ZNF609: variants seen among roughly 807,000 people sequenced by gnomAD.
ZNF609 encodes the protein zinc finger protein 609.
In ZNF609, 11 loss-of-function variants were observed where a neutral mutation model predicts 109.5. That is an observed-to-expected ratio of 0.10 (90% CI 0.06 to 0.17). The LOEUF (loss-of-function observed/expected upper bound fraction) is 0.17. Ranked by LOEUF, ZNF609 falls within the 10% of genes least tolerant of loss-of-function variation. The pLI is 1.00. For synonymous variants in ZNF609, 646 were observed against 662.0 expected (o/e 0.98, Z 0.37); for missense variants, 1,559 against 1,772.4 (o/e 0.88, Z 2.16).
chr15:64,542,572 A>T (rs149936877), intron 2 of ZNF609, among the ~76,000 whole-genome samples: 1 of 152,278 alleles, frequency 6.6e-6, no homozygotes, highest in Non-Finnish European at 1.5e-5. Context: ...AGTGCATCCA[A>T]AGTTTTCATT....
intron 2 of ZNF609, among the ~76,000 whole-genome samples, chr15:64,588,442 A>AAAAAAAAAAAAAAAAAAAAGAAG (rs71133451): frequency 9.3e-5 from 7 of 75,272 alleles, no homozygotes; most frequent in African/African-American, 3.6e-4. Flanking sequence ...AAAAAAAAAA[A>AAAAAAAAAAAAAAAAAAAAGAAG]AAGAAGAGGA....
chr15:64,506,087 A>G (rs1263822938), intron 2 of ZNF609, among the ~76,000 whole-genome samples: 2 of 152,164 alleles, frequency 1.3e-5, no homozygotes, highest in African/African-American at 4.8e-5. Context: ...CAAGTTTCTT[A>G]ATTGTTCTTC....
At chr15:64,564,895 T>TG (rs1263256108) in intron 2 of ZNF609, among the ~76,000 whole-genome samples, 1 of 151,724 alleles carries the variant, frequency 6.6e-6, no homozygotes, top group African/African-American at 2.4e-5. Context: ...TTGCCCAGGC[T>TG]GGAGTGCAGT....
At chr15:64,484,468 G>C (rs1169819083) in intron 1 of ZNF609, among the ~76,000 whole-genome samples, 1 of 152,084 alleles carries the variant, frequency 6.6e-6, no homozygotes, top group Non-Finnish European at 1.5e-5. Flanking sequence ...ACGAGGTCAG[G>C]AGTTCCGGGC....
chr15:64,465,113 TA>T (rs1892995987), intron 1 of ZNF609, among the ~76,000 whole-genome samples: 2 of 152,102 alleles, frequency 1.3e-5, no homozygotes, highest in Admixed American at 1.3e-4. Context: ...GGGAGGGAAA[TA>T]GTGGTAATTC....
chr15:64,678,217 G>A lies in ZNF609; in HGVS notation c.3504G>A (p.Lys1168=). The A allele has an allele frequency of 1.9e-6, 3 of 1,614,154 alleles. No homozygotes were observed. Among genetic ancestry groups the A allele is most frequent in the East Asian group, 2.2e-5 (1 of 44,886 alleles). Residue 1168 remains lysine (K), a synonymous_variant, in exon 6 of 10, where the codon AAG becomes AAA. Transcript: ENST00000326648. ...AGGAGGAGCGGGACCGCAAATTGAA[G>A]GAGGAAAGGAGTCGGAGTAAGGACT... ...RWKEERDRKL[K]EERSRSKDSV...
intron 2 of ZNF609, among the ~76,000 whole-genome samples, chr15:64,590,410 T>C (rs1895273229): frequency 6.6e-6 from 1 of 152,002 alleles, no homozygotes; most frequent in Non-Finnish European, 1.5e-5. Flanking sequence ...CAACCTCTGC[T>C]TCCTGGTTTC....
At chr15:64,469,054 A>AAC (rs1555413469) in intron 1 of ZNF609, among the ~76,000 whole-genome samples, 9 of 135,424 alleles carry the variant, frequency 6.6e-5, no homozygotes, top group Non-Finnish European at 1.7e-5. Context: ...AAAAAAAAAA[A>AAC]AACAACACAA....
At chr15:64,641,251 C>G (rs929837544) in intron 3 of ZNF609, among the ~76,000 whole-genome samples, 2 of 43,120 alleles carry the variant, frequency 4.6e-5, no homozygotes, top group African/African-American at 8.2e-5. Flanking sequence ...GAGTTTCGCT[C>G]TTGCTGCCCA....
At chr15:64,518,397 G>A (rs1315530821) in intron 2 of ZNF609, among the ~76,000 whole-genome samples, 1 of 152,202 alleles carries the variant, frequency 6.6e-6, no homozygotes, top group African/African-American at 2.4e-5. Context: ...ACTGGAAGAA[G>A]TTCACTATGA....
At chr15:64,567,874 G>A (rs1224787134) in intron 2 of ZNF609, among the ~76,000 whole-genome samples, 1 of 151,992 alleles carries the variant, frequency 6.6e-6, no homozygotes, top group Non-Finnish European at 1.5e-5. Context: ...TATTAGCCAG[G>A]ATGGTCTCGA....
chr15:64,614,522 C>T (rs1418547651), intron 2 of ZNF609, among the ~76,000 whole-genome samples: 3 of 152,100 alleles, frequency 2.0e-5, no homozygotes, highest in Admixed American at 1.3e-4. Context: ...CGTGAGCCAC[C>T]GCGCCTGGCC....
intron 1 of ZNF609, among the ~76,000 whole-genome samples, chr15:64,498,348 C>A (rs1432966749): frequency 6.6e-6 from 1 of 152,134 alleles, no homozygotes; most frequent in Non-Finnish European, 1.5e-5. Flanking sequence ...CTGCACCTGG[C>A]CATAAATTGC....
intron 2 of ZNF609, chr15:64,501,506 TCAG>T (rs1426631885): frequency 6.6e-6 from 1 of 152,242 alleles, no homozygotes. Context: ...ATAGTCCACT[TCAG>T]CAGAGTCAGG....
At chr15:64,463,060 C>G (rs1335355337) in intron 1 of ZNF609, among the ~76,000 whole-genome samples, 4 of 151,998 alleles carry the variant, frequency 2.6e-5, no homozygotes, top group Non-Finnish European at 5.9e-5. Context: ...TTGAGAGTGG[C>G]CTGGGCAACA....
intron 2 of ZNF609, among the ~76,000 whole-genome samples, chr15:64,547,334 G>A (rs79559617): frequency 0.018 from 2,763 of 152,176 alleles, 89 homozygotes; most frequent in African/African-American, 0.06. Context: ...CTAGATGTTT[G>A]GATTTTTTGG....
chr15:64,596,095 TGTG>T (rs1895392796), intron 2 of ZNF609, among the ~76,000 whole-genome samples: 1 of 152,120 alleles, frequency 6.6e-6, no homozygotes, highest in Non-Finnish European at 1.5e-5. Flanking sequence ...TTTTCCATGG[TGTG>T]TCTAGTAATA....
At chr15:64,487,895 A>G (rs1156362411) in intron 1 of ZNF609, among the ~76,000 whole-genome samples, 2 of 152,136 alleles carry the variant, frequency 1.3e-5, no homozygotes, top group Non-Finnish European at 2.9e-5. Context: ...TGGCCTCCCA[A>G]AGTGCTGGGA....
chr15:64,521,403 G>C (rs916323218), intron 2 of ZNF609, among the ~76,000 whole-genome samples: 2 of 152,188 alleles, frequency 1.3e-5, no homozygotes, highest in African/African-American at 4.8e-5. Flanking sequence ...TATGGAGTAG[G>C]GAGGGAGCTT....
Sources: gnomAD v4.1 joint callset for allele counts (sites outside exome capture counted in the v4.1 genomes callset) on GRCh38, gnomAD v4.1.1 for gene constraint, MANE v1.5 for transcripts, NCBI Gene and HGNC (gene_info 2026-07-23, HGNC 2026-07-21) for gene names.